Variants in VCF2 observed in about 807,000 individuals in gnomAD.
The protein encoded by VCF2 is VCP nuclear cofactor family member 2.
At chrX:55,159,518 T>C in the VCF2 span, among the ~76,000 whole-genome samples, 1 of 112,471 alleles carries the variant, frequency 8.9e-6, no homozygotes, top group Non-Finnish European at 1.9e-5. Flanking sequence ...ATTTAATAGC[T>C]AAGTTTTCAA....
At chrX:55,152,541 A>G in the VCF2 span, among the ~76,000 whole-genome samples, 1 of 111,957 alleles carries the variant, frequency 8.9e-6, no homozygotes, top group Admixed American at 9.4e-5. Flanking sequence ...TTCTTCTTAA[A>G]TGCTTTCTCC....
the VCF2 span, among the ~76,000 whole-genome samples, chrX:55,157,808 T>C: frequency 7.2e-5 from 8 of 111,582 alleles, no homozygotes; most frequent in Non-Finnish European, 1.5e-4. Context: ...TGTGTGTATA[T>C]CTACATAATA....
At chrX:55,147,179 C>A in the VCF2 span, among the ~76,000 whole-genome samples, 2 of 111,619 alleles carry the variant, frequency 1.8e-5, no homozygotes, top group African/African-American at 6.5e-5. Context: ...CAATATTTAA[C>A]AATGCTGGTA....
the VCF2 span, among the ~76,000 whole-genome samples, chrX:55,147,139 A>T: frequency 8.9e-6 from 1 of 112,136 alleles, no homozygotes; most frequent in Admixed American, 9.4e-5. Flanking sequence ...CAAAAGAAGA[A>T]GGTAATGGCA....
the VCF2 span, chrX:55,159,277 T>G: frequency 9.8e-7 from 1 of 1,024,490 alleles, no homozygotes; most frequent in East Asian, 3.1e-5. Flanking sequence ...CAACTGATCT[T>G]TTGGATGCTT....
chrX:55,154,495 G>A, the VCF2 span, among the ~76,000 whole-genome samples: 2 of 111,995 alleles, frequency 1.8e-5, no homozygotes, highest in Non-Finnish European at 3.8e-5. Context: ...CACACACATA[G>A]CAAAATAAAA....
chrX:55,145,185 C>T, the VCF2 span: 2 of 405,656 alleles, frequency 4.9e-6, no homozygotes, highest in African/African-American at 5.5e-5. Flanking sequence ...GTCCAACCCA[C>T]TTCCATAATT....
the VCF2 span, among the ~76,000 whole-genome samples, chrX:55,146,668 T>C: frequency 8.9e-6 from 1 of 112,456 alleles, no homozygotes; most frequent in Non-Finnish European, 1.9e-5. Flanking sequence ...GTACTCATCC[T>C]CCACCTGAAG....
chrX:55,159,788 C>T, the VCF2 span, among the ~76,000 whole-genome samples: 7 of 112,450 alleles, frequency 6.2e-5, no homozygotes, highest in East Asian at 1.4e-3. Flanking sequence ...TGGCTGATTA[C>T]TTCCTTGAAA....
chrX:55,151,058 G>A, the VCF2 span, among the ~76,000 whole-genome samples: 5 of 112,417 alleles, frequency 4.4e-5, no homozygotes, highest in African/African-American at 1.6e-4. Context: ...AACTATGTTA[G>A]TGTGAGAAAA....
the VCF2 span, among the ~76,000 whole-genome samples, chrX:55,144,463 T>C: frequency 5.4e-5 from 6 of 111,832 alleles, no homozygotes; most frequent in South Asian, 1.9e-3. Flanking sequence ...TAAGAAATAA[T>C]TGACTCATGC....
At chrX:55,144,614 A>G in the VCF2 span, among the ~76,000 whole-genome samples, 1 of 105,385 alleles carries the variant, frequency 9.5e-6, no homozygotes, top group African/African-American at 3.6e-5. Flanking sequence ...GTGTGTGTGT[A>G]GGTATGTATT....
At chrX:55,160,863 A>G in the VCF2 span, 3 of 1,156,883 alleles carry the variant, frequency 2.6e-6, no homozygotes, top group African/African-American at 3.6e-5. Flanking sequence ...TAAGGCACTG[A>G]CAACCAAAGA....
the VCF2 span, among the ~76,000 whole-genome samples, chrX:55,151,933 C>T: frequency 1.1e-4 from 11 of 95,826 alleles, no homozygotes; most frequent in African/African-American, 4.3e-4. Context: ...GCTCTGTCGC[C>T]CAGGCTGGAG....
the VCF2 span, among the ~76,000 whole-genome samples, chrX:55,158,391 T>G: frequency 8.9e-6 from 1 of 111,944 alleles, no homozygotes; most frequent in Non-Finnish European, 1.9e-5. Context: ...ACTAGAGGTT[T>G]AGAAGAGAGG....
At chrX:55,150,182 T>C in the VCF2 span, among the ~76,000 whole-genome samples, 1 of 112,172 alleles carries the variant, frequency 8.9e-6, no homozygotes, top group African/African-American at 3.2e-5. Flanking sequence ...GTTATTAGTA[T>C]GTGTTTCAGA....
chrX:55,143,888 G>A, the VCF2 span: 71 of 1,107,522 alleles, frequency 6.4e-5, no homozygotes, highest in South Asian at 1.3e-3. Flanking sequence ...GCAAAAGACA[G>A]GACAGAGATT....
At chrX:55,161,083 C>T in the VCF2 span, 340 of 1,202,917 alleles carry the variant, frequency 2.8e-4, no homozygotes, top group Non-Finnish European at 3.7e-4. Flanking sequence ...GCGTGATGAC[C>T]GTGGGGACCA....
the VCF2 span, chrX:55,143,606 TCAATATTATTCATC>T: frequency 8.4e-5 from 30 of 358,208 alleles, no homozygotes; most frequent in South Asian, 1.9e-3. Context: ...GCACATATCT[TCAATATTATTCATC>T]CAGGACCAAA....
Sources: gnomAD v4.1 joint callset for allele counts (sites outside exome capture counted in the v4.1 genomes callset) on GRCh38, gnomAD v4.1.1 for gene constraint, MANE v1.5 for transcripts, NCBI Gene and HGNC (gene_info 2026-07-23, HGNC 2026-07-21) for gene names.